Variants in TBXAS1 observed in about 807,000 individuals in gnomAD.
TBXAS1 encodes thromboxane A synthase 1.
A neutral mutation model predicts 60.7 loss-of-function variants in TBXAS1; 48 were observed. That is an observed-to-expected ratio of 0.79 (90% CI 0.63 to 1.01). The LOEUF (loss-of-function observed/expected upper bound fraction) is 1.01. TBXAS1 is among the 50% of genes least tolerant of loss of function. TBXAS1 has a pLI of 0.00. For missense variants in TBXAS1, 685 were observed against 686.3 expected (o/e 1.00, Z 0.02); for synonymous variants, 287 against 269.7 (o/e 1.06, Z -0.63).
At chr7:139,789,212 A>ATCTCTCTCTCTCTC (rs138299225) in intron 4 of TBXAS1, 1 of 142,404 alleles carries the variant, frequency 7.0e-6, no homozygotes, top group African/African-American at 2.6e-5. Flanking sequence ...AATATGTTTA[A>ATCTCTCTCTCTCTC]TCTCTCTCTC....
At chr7:139,786,594 A>G (rs1248395524) in intron 3 of TBXAS1, among the ~76,000 whole-genome samples, 3 of 151,110 alleles carry the variant, frequency 2.0e-5, no homozygotes, top group Admixed American at 6.6e-5. Context: ...TTTTCACTCT[A>G]TGTGGAAGAC....
At position 139,962,236 on chromosome 7, in the gene TBXAS1, G is replaced by T; in HGVS notation, c.1134+3G>T. 1 of 1,614,048 alleles carries T rather than the reference G, an allele frequency of 6.2e-7. No homozygotes were observed. The highest frequency in any genetic ancestry group is 1.1e-5 in the South Asian group (1 of 90,928). ...TAGACGTTTTTAAGGAGAAACACGT[G>T]AGTACAAGTTGGATCCAGTTACCCA... On this transcript the variant is annotated splice_donor_region_variant and intron_variant, in intron 9 of 12. Transcript: ENST00000448866.
chr7:139,973,043 T>C (rs1457317429), intron 9 of TBXAS1, among the ~76,000 whole-genome samples: 2 of 150,688 alleles, frequency 1.3e-5, no homozygotes, highest in African/African-American at 4.9e-5. Context: ...CGTGGGGAGA[T>C]GGAGGCAGGT....
At chr7:139,992,908 C>T (rs370023186) in intron 9 of TBXAS1, among the ~76,000 whole-genome samples, 10 of 152,266 alleles carry the variant, frequency 6.6e-5, no homozygotes, top group African/African-American at 1.7e-4. Flanking sequence ...CAGTGGCTCA[C>T]GCCTATAATA....
chr7:139,801,304 G>A (rs1278468476), intron 4 of TBXAS1, among the ~76,000 whole-genome samples: 1 of 152,086 alleles, frequency 6.6e-6, no homozygotes, highest in African/African-American at 2.4e-5. Context: ...CATATGATGA[G>A]CTTTGATCTA....
chr7:139,994,168 C>A (rs756197567), intron 9 of TBXAS1, among the ~76,000 whole-genome samples: 2 of 152,036 alleles, frequency 1.3e-5, no homozygotes, highest in South Asian at 4.2e-4. Context: ...CAGCCTCCCG[C>A]GTAGCTGGGA....
intron 4 of TBXAS1, among the ~76,000 whole-genome samples, chr7:139,811,269 C>T (rs1359579619): frequency 2.6e-5 from 4 of 152,230 alleles, no homozygotes; most frequent in Non-Finnish European, 4.4e-5. Flanking sequence ...TAATGGGTCA[C>T]ATTTGTGGTG....
intron 3 of TBXAS1, among the ~76,000 whole-genome samples, chr7:139,882,135 T>C (rs1569507075): frequency 6.6e-6 from 1 of 152,150 alleles, no homozygotes; most frequent in Non-Finnish European, 1.5e-5. Context: ...AAGAACAGCA[T>C]AGAGATGGTT....
chr7:140,011,850 A>ATATATATATATC (rs1302873418), intron 10 of TBXAS1, among the ~76,000 whole-genome samples: 166 of 152,194 alleles, frequency 1.1e-3, no homozygotes, highest in African/African-American at 3.8e-3. Flanking sequence ...ATATATATAT[A>ATATATATATATC]TCCACAATGA....
At chr7:139,819,505 T>G (rs1471887683) in intron 4 of TBXAS1, among the ~76,000 whole-genome samples, 1 of 152,132 alleles carries the variant, frequency 6.6e-6, no homozygotes, top group Non-Finnish European at 1.5e-5. Flanking sequence ...TTCTTTTGTT[T>G]GTTTGTTTTT....
chr7:139,901,628 C>A (rs1465450277), intron 3 of TBXAS1, among the ~76,000 whole-genome samples: 2 of 151,958 alleles, frequency 1.3e-5, no homozygotes, highest in African/African-American at 4.8e-5. Context: ...CATCAGGATC[C>A]CCTGGGAGCT....
In TBXAS1 at chr7:140,016,551, A is replaced by T. The variant is rs113849272; in HGVS notation, c.1364+691A>T. On this transcript the variant is annotated intron_variant, in intron 11 of 12. Transcript: ENST00000448866. The stretch of plus-strand genomic sequence containing the variant: ...AGTAACGGAACATCATTTCCTTTTT[A>T]AAAAACGGGCATCTATGCCAAAACA... 555 of 178,932 alleles carry T rather than the reference A, an allele frequency of 3.1e-3. 2 individuals are homozygous for T. Among genetic ancestry groups the T allele is most frequent in the Non-Finnish European group, 3.4e-3 (282 of 83,520 alleles). The allele number at this position is 178,932 out of a possible 1,614,324, so 11.1% of individuals were successfully genotyped here. A position where few individuals can be genotyped will look rare whatever the true frequency, so the allele number is the denominator to read the frequency against.
chr7:139,956,374 G>A (rs371191685), intron 7 of TBXAS1, among the ~76,000 whole-genome samples: 2 of 152,118 alleles, frequency 1.3e-5, no homozygotes, highest in Non-Finnish European at 2.9e-5. Context: ...TCAAACTCCC[G>A]ACCTCAGGTG....
chr7:139,855,880 C>A (rs1800546736), intron 1 of TBXAS1, among the ~76,000 whole-genome samples: 1 of 152,174 alleles, frequency 6.6e-6, no homozygotes, highest in African/African-American at 2.4e-5. Flanking sequence ...CACTAGCCTC[C>A]ATTTTCATAA....
At chr7:139,789,772 AG>A (rs1304270262) in intron 4 of TBXAS1, 2 of 152,010 alleles carry the variant, frequency 1.3e-5, no homozygotes, top group African/African-American at 4.8e-5. Context: ...CTGGGATCAC[AG>A]GTGCCTGCCA....
chr7:139,878,589 C>T (rs1011176083), intron 3 of TBXAS1, among the ~76,000 whole-genome samples: 4 of 152,046 alleles, frequency 2.6e-5, no homozygotes, highest in Admixed American at 6.6e-5. Context: ...AATATGGTGG[C>T]GGTGTAAAAA....
intron 4 of TBXAS1, among the ~76,000 whole-genome samples, chr7:139,917,722 T>A (rs906100240): frequency 7.9e-5 from 12 of 152,374 alleles, no homozygotes; most frequent in Middle Eastern, 3.4e-3. Flanking sequence ...AATGCTCAAA[T>A]GTACTTCTCT....
intron 5 of TBXAS1, among the ~76,000 whole-genome samples, chr7:139,946,173 A>G (rs1478857921): frequency 3.3e-5 from 5 of 152,168 alleles, no homozygotes; most frequent in South Asian, 2.1e-4. Context: ...TTTCTACAAA[A>G]CATTAAAAAA....
chr7:139,836,548 A>G (rs1799080901), intron 1 of TBXAS1, among the ~76,000 whole-genome samples: 1 of 152,226 alleles, frequency 6.6e-6, no homozygotes, highest in African/African-American at 2.4e-5. Flanking sequence ...AAAGCAAACA[A>G]AAACATAAAG....
Sources: gnomAD v4.1 joint callset for allele counts (sites outside exome capture counted in the v4.1 genomes callset) on GRCh38, gnomAD v4.1.1 for gene constraint, MANE v1.5 for transcripts, NCBI Gene and HGNC (gene_info 2026-07-23, HGNC 2026-07-21) for gene names.